TM9SF3: variants seen among roughly 807,000 people sequenced by gnomAD.
The protein encoded by TM9SF3 is SM-11044-binding protein.
Under a neutral mutation model 78.6 loss-of-function variants are expected in TM9SF3, and 14 were observed. The ratio of observed to expected loss-of-function variants is 0.18; its 90% CI spans 0.12 to 0.28. The LOEUF (loss-of-function observed/expected upper bound fraction) is 0.28. Among genes scored for constraint, TM9SF3 ranks in the 10% least tolerant of loss-of-function variants. The pLI is 1.00. For missense variants in TM9SF3, 496 were observed against 721.9 expected, an observed-to-expected ratio of 0.69 and a Z score of 3.59; for synonymous variants, 231 against 241.7, an observed-to-expected ratio of 0.96 and a Z score of 0.41.
chr10:96,519,965 G>C lies in TM9SF3; in HGVS notation c.*2298C>G, dbSNP rs2134124705. On this transcript the variant is annotated 3_prime_UTR_variant, in exon 15 of 15. Coordinates refer to ENST00000371142, the MANE Select transcript of TM9SF3 (RefSeq NM_020123.4). ...AGAACTTCAAATAGAGCTCAATTTA[G>C]TAGAAAGAATTGGTGTACCTGAAAG... is the stretch of plus-strand genomic sequence containing the variant. 1 of 151,986 alleles carries C rather than the reference G, an allele frequency of 6.6e-6. No individual in the cohort carries two copies. The highest frequency in any genetic ancestry group is 6.5e-5 in the Admixed American group (1 of 15,268). The allele number at this position is 151,986 out of a possible 1,614,324, so 9.4% of individuals were successfully genotyped here.
chr10:96,567,661 C>A (rs1340580675), intron 2 of TM9SF3, among the ~76,000 whole-genome samples: 1 of 152,188 alleles, frequency 6.6e-6, no homozygotes, highest in Non-Finnish European at 1.5e-5. Context: ...TCCCTTATGG[C>A]ATGTAGGCCT....
intron 9 of TM9SF3, among the ~76,000 whole-genome samples, chr10:96,539,820 A>C (rs1848001450): frequency 1.3e-5 from 2 of 151,332 alleles, no homozygotes; most frequent in African/African-American, 2.4e-5. Flanking sequence ...AAAAATGTCC[A>C]AAAAAAAAGA....
intron 8 of TM9SF3, among the ~76,000 whole-genome samples, chr10:96,544,594 G>A (rs1288913616): frequency 6.6e-6 from 1 of 152,064 alleles, no homozygotes; most frequent in Non-Finnish European, 1.5e-5. Context: ...GGAGCTTCTT[G>A]GCATGCCCAT....
intron 2 of TM9SF3, among the ~76,000 whole-genome samples, chr10:96,569,368 C>T (rs1848413975): frequency 2.0e-5 from 3 of 152,152 alleles, no homozygotes; most frequent in Non-Finnish European, 4.4e-5. Context: ...CTTGGTTGAA[C>T]TATGCATACC....
At chr10:96,539,527 A>T (rs1847998448) in intron 9 of TM9SF3, among the ~76,000 whole-genome samples, 1 of 152,240 alleles carries the variant, frequency 6.6e-6, no homozygotes. Flanking sequence ...TAGGGGAGAG[A>T]CAAAAGAAGA....
At chr10:96,529,918 G>A (rs150302850) in intron 11 of TM9SF3, among the ~76,000 whole-genome samples, 3 of 152,264 alleles carry the variant, frequency 2.0e-5, no homozygotes, top group African/African-American at 4.8e-5. Context: ...AGTCCCATAC[G>A]GTGAACTTTC....
chr10:96,533,073 G>A lies in TM9SF3; in HGVS notation c.1303C>T (p.Arg435Cys), dbSNP rs1250638882. The change falls in exon 10 of 15, where the codon CGT (arginine) becomes TGT (cysteine). Residue 435 changes from arginine (R) to cysteine (C), a missense_variant. By Grantham distance (180) the Arg-to-Cys change is radical. Coordinates refer to ENST00000371142, the MANE Select transcript of TM9SF3 (RefSeq NM_020123.4). Reference protein sequence around the residue: ...NFPCRVNAVPRPIPEKKWFME... With the variant: ...NFPCRVNAVPCPIPEKKWFME... ...TACCATTTTTTCTCCGGTATAGGAC[G>A]AGGCACAGCATTGACACGACAAGGA... The A allele has an allele frequency of 1.9e-6, 3 of 1,613,982 alleles. No individual in the cohort carries two copies. The highest frequency in any genetic ancestry group is 2.2e-5 in the East Asian group (1 of 44,868).
At chr10:96,559,865 TTAC>T (rs776787922) in intron 4 of TM9SF3, 129 bp from the exon 5 acceptor site, 1 of 582,564 alleles carries the variant, frequency 1.7e-6, no homozygotes. Flanking sequence ...TGGAGGAAAG[TTAC>T]TTACAACATG....
chr10:96,535,306 C>G (rs1847944689), intron 9 of TM9SF3, among the ~76,000 whole-genome samples: 2 of 152,224 alleles, frequency 1.3e-5, no homozygotes, highest in East Asian at 1.9e-4. Context: ...GAAAAATACT[C>G]TAAGATTGCA....
Position 96,521,974 on chromosome 10 carries a change from G to T in TM9SF3, c.*289C>A. 1 of 355,960 alleles carries T rather than the reference G, an allele frequency of 2.8e-6. No individual in the cohort carries two copies. Among genetic ancestry groups the T allele is most frequent in the South Asian group, 3.6e-5 (1 of 27,784 alleles). 22.1% of individuals were successfully genotyped at this position (355,960 alleles called of 1,614,324 possible). On this transcript the variant is annotated 3_prime_UTR_variant, in exon 15 of 15. Coordinates refer to ENST00000371142, the MANE Select transcript of TM9SF3 (RefSeq NM_020123.4). ...TTGTCCTCTTCACTGAAGAGAGCTG[G>T]TCTATTTCATCTTTAATGAGCTAGT...
chr10:96,559,170 C>G (rs1248807844), intron 5 of TM9SF3, among the ~76,000 whole-genome samples: 3 of 152,158 alleles, frequency 2.0e-5, no homozygotes, highest in African/African-American at 4.8e-5. Context: ...CCTTCTGATG[C>G]ATACATTCTG....
intron 1 of TM9SF3, among the ~76,000 whole-genome samples, chr10:96,577,947 C>T (rs942406812): frequency 5.3e-5 from 8 of 152,102 alleles, no homozygotes; most frequent in Non-Finnish European, 8.8e-5. Flanking sequence ...TCAATCAAAA[C>T]CTAACATCTC....
At chr10:96,563,004 T>C (rs1427759472) in intron 3 of TM9SF3, among the ~76,000 whole-genome samples, 2 of 152,232 alleles carry the variant, frequency 1.3e-5, no homozygotes, top group African/African-American at 4.8e-5. Context: ...AAAGTGATTC[T>C]AATTGGTACA....
rs1355787809 is a variant in TM9SF3, at chr10:96,518,134, T to C, written c.*4129A>G. On this transcript the variant is annotated 3_prime_UTR_variant, in exon 15 of 15. Transcript: ENST00000371142. ...GTACATTTAACTTTTTATTACTTTT[T>C]AAAAATCCAAATTCAGATAAATTAA... is the stretch of plus-strand genomic sequence containing the variant. The C allele has an allele frequency of 6.6e-6, 1 of 152,246 alleles. No homozygotes were observed. Among genetic ancestry groups the C allele is most frequent in the African/African-American group, 2.4e-5 (1 of 41,464 alleles). 9.4% of individuals were successfully genotyped at this position (152,246 alleles called of 1,614,324 possible). A position where few individuals can be genotyped will look rare whatever the true frequency, so the allele number is the denominator to read the frequency against.
Position 96,559,722 on chromosome 10 carries a change from CT to C in TM9SF3, c.596del (p.Lys199SerfsTer4). The part of the protein sequence containing the change: ...IQMSYSVKWK[K>X]SDVKFEDRFD... ...ATCGATCTTCAAATTTCACATCTGACTTTTTCCATTTTACCTAAAAAAAATT... is the reference window on the plus strand; with the variant it reads ...ATCGATCTTCAAATTTCACATCTGACTTTTCCATTTTACCTAAAAAAAATT... On this transcript the variant is annotated frameshift_variant, in exon 5 of 15. Coordinates refer to ENST00000371142, the MANE Select transcript of TM9SF3 (RefSeq NM_020123.4). LOFTEE classifies it high-confidence loss of function. 2.5e-6 allele frequency: 4 copies of C among 1,578,570 alleles called. No homozygotes were observed. Among genetic ancestry groups the C allele is most frequent in the East Asian group, 2.3e-5 (1 of 44,254 alleles).
intron 9 of TM9SF3, among the ~76,000 whole-genome samples, chr10:96,539,946 C>T (rs1322230540): frequency 6.6e-6 from 1 of 152,182 alleles, no homozygotes; most frequent in Non-Finnish European, 1.5e-5. Flanking sequence ...CTGCCTATCT[C>T]TTTGCGTTCT....
chr10:96,578,264 T>G (rs554199874), intron 1 of TM9SF3, among the ~76,000 whole-genome samples: 1 of 152,304 alleles, frequency 6.6e-6, no homozygotes, highest in East Asian at 1.9e-4. Context: ...ATGTGACAGG[T>G]ACCAAGTATC....
At chr10:96,577,579 T>G (rs1025039041) in intron 1 of TM9SF3, 1 of 152,294 alleles carries the variant, frequency 6.6e-6, no homozygotes, top group Admixed American at 6.5e-5. Flanking sequence ...AGTTTAAAGT[T>G]CCAATGATTC....
chr10:96,574,594 A>T (rs1322670358), intron 2 of TM9SF3, among the ~76,000 whole-genome samples: 1 of 152,186 alleles, frequency 6.6e-6, no homozygotes, highest in Non-Finnish European at 1.5e-5. Flanking sequence ...AAAAATTATA[A>T]ATCATTCTAC....
Sources: allele counts gnomAD v4.1 joint callset (sites outside exome capture counted in the v4.1 genomes callset), GRCh38; gene constraint gnomAD v4.1.1; transcripts MANE v1.5; gene names NCBI Gene and HGNC (gene_info 2026-07-23, HGNC 2026-07-21).